RUNDC3B: variants seen among roughly 807,000 people sequenced by gnomAD.
RUNDC3B encodes the protein RUN domain-containing protein 3B.
Under a neutral mutation model 58.4 loss-of-function variants are expected in RUNDC3B, and 33 were observed. The ratio of observed to expected loss-of-function variants is 0.56; its 90% CI spans 0.43 to 0.75. The LOEUF is 0.75. RUNDC3B is among the 30% of genes least tolerant of loss of function. The pLI, the probability that RUNDC3B is intolerant of heterozygous loss-of-function variation, is 0.00. For synonymous variants in RUNDC3B, 193 were observed against 195.2 expected (o/e 0.99, Z 0.10); for missense variants, 501 against 535.7 (o/e 0.94, Z 0.64).
chr7:87,782,006 A>G (rs185935574), intron 8 of RUNDC3B, among the ~76,000 whole-genome samples: 10 of 152,148 alleles, frequency 6.6e-5, no homozygotes, highest in African/African-American at 2.2e-4. Flanking sequence ...AATGTGTTAC[A>G]GAAGAGTCCA....
chr7:87,753,851 C>A (rs1406245885), intron 6 of RUNDC3B, among the ~76,000 whole-genome samples: 1 of 152,094 alleles, frequency 6.6e-6, no homozygotes, highest in African/African-American at 2.4e-5. Flanking sequence ...CCAGAGTGAT[C>A]CTTCTGAAAT....
At chr7:87,788,054 T>C (rs951212007) in intron 8 of RUNDC3B, among the ~76,000 whole-genome samples, 3 of 152,216 alleles carry the variant, frequency 2.0e-5, no homozygotes, top group Non-Finnish European at 4.4e-5. Flanking sequence ...TAATTCTTTT[T>C]GTCAGTCATA....
At chr7:87,782,555 G>A (rs1035830238) in intron 8 of RUNDC3B, among the ~76,000 whole-genome samples, 2 of 151,890 alleles carry the variant, frequency 1.3e-5, no homozygotes, top group East Asian at 1.9e-4. Flanking sequence ...CTCTAGGTGC[G>A]ACGTCAGAGT....
chr7:87,643,339 C>T (rs919463344), intron 1 of RUNDC3B, among the ~76,000 whole-genome samples: 1 of 151,904 alleles, frequency 6.6e-6, no homozygotes, highest in Non-Finnish European at 1.5e-5. Flanking sequence ...TTTTTTGGTT[C>T]CAATAAAAGT....
At chr7:87,696,718 T>C (rs1323898911) in intron 2 of RUNDC3B, among the ~76,000 whole-genome samples, 1 of 152,096 alleles carries the variant, frequency 6.6e-6, no homozygotes, top group African/African-American at 2.4e-5. Flanking sequence ...CACATCTAAT[T>C]TGTAGAGCAG....
intron 4 of RUNDC3B, among the ~76,000 whole-genome samples, chr7:87,715,441 TATA>T (rs1385691703): frequency 3.1e-5 from 4 of 128,254 alleles, no homozygotes; most frequent in Non-Finnish European, 6.3e-5. Flanking sequence ...ATTATATTAA[TATA>T]ATATATAATT....
At chr7:87,806,753 G>T (rs1302352730) in intron 8 of RUNDC3B, among the ~76,000 whole-genome samples, 1 of 152,110 alleles carries the variant, frequency 6.6e-6, no homozygotes, top group Non-Finnish European at 1.5e-5. Flanking sequence ...ACTGCTCAGT[G>T]TAGTTGTCAT....
intron 6 of RUNDC3B, among the ~76,000 whole-genome samples, chr7:87,755,249 C>T (rs920705150): frequency 2.6e-5 from 4 of 152,098 alleles, no homozygotes; most frequent in Non-Finnish European, 4.4e-5. Context: ...TCTCAAACTC[C>T]TGACCTTGTG....
intron 1 of RUNDC3B, among the ~76,000 whole-genome samples, chr7:87,643,643 C>T (rs1167848785): frequency 2.6e-5 from 4 of 151,652 alleles, no homozygotes; most frequent in African/African-American, 9.7e-5. Flanking sequence ...GCCTCAGCCT[C>T]CTGAGTAGCT....
intron 6 of RUNDC3B, among the ~76,000 whole-genome samples, chr7:87,742,475 G>A (rs886962692): frequency 6.6e-5 from 10 of 152,010 alleles, no homozygotes; most frequent in African/African-American, 2.4e-4. Context: ...CCATTCCTGA[G>A]TTACTTCACT....
At chr7:87,773,979 A>G (rs962657181) in intron 7 of RUNDC3B, among the ~76,000 whole-genome samples, 1 of 152,000 alleles carries the variant, frequency 6.6e-6, no homozygotes, top group Non-Finnish European at 1.5e-5. Flanking sequence ...CACCCGGCCA[A>G]TCTTTTTATG....
At chr7:87,814,465 T>C (rs190958402) in intron 9 of RUNDC3B, among the ~76,000 whole-genome samples, 34 of 152,266 alleles carry the variant, frequency 2.2e-4, no homozygotes, top group Middle Eastern at 6.8e-3. Flanking sequence ...GTAGATAGCA[T>C]AGTATTTAAG....
chr7:87,643,963 A>T (rs1462065737), intron 1 of RUNDC3B, among the ~76,000 whole-genome samples: 1 of 152,164 alleles, frequency 6.6e-6, no homozygotes, highest in Non-Finnish European at 1.5e-5. Context: ...GGTTCAAGTG[A>T]TTCGCCTGCC....
rs907269138 is a variant in RUNDC3B at position 87,830,942 on chromosome 7, G to A, written c.*912G>A. 1 of 151,512 alleles carries A rather than the reference G, an allele frequency of 6.6e-6. No individual in the cohort carries two copies. Among genetic ancestry groups the A allele is most frequent in the African/African-American group, 2.4e-5 (1 of 41,306 alleles). The allele number at this position is 151,512 out of a possible 1,614,324, so 9.4% of individuals were successfully genotyped here. A position where few individuals can be genotyped will look rare whatever the true frequency, so the allele number is the denominator to read the frequency against. ...AATATATGTCTGATATTCAGTGCTG[G>A]TTCTTTTTCCTGTTTGTGCAACAAT... On this transcript the variant is annotated 3_prime_UTR_variant, in exon 11 of 11. Transcript: ENST00000394654.
intron 2 of RUNDC3B, among the ~76,000 whole-genome samples, chr7:87,658,763 T>C (rs748990970): frequency 2.6e-4 from 40 of 152,160 alleles, no homozygotes; most frequent in Non-Finnish European, 1.6e-4. Context: ...CACAGCAGAA[T>C]TATTCTTCAG....
intron 6 of RUNDC3B, among the ~76,000 whole-genome samples, chr7:87,753,537 A>G (rs994570233): frequency 6.6e-6 from 1 of 152,140 alleles, no homozygotes; most frequent in African/African-American, 2.4e-5. Context: ...CTCAGGACTT[A>G]CTTTATGAAT....
At chr7:87,730,525 G>C (rs141941510) in intron 4 of RUNDC3B, among the ~76,000 whole-genome samples, 1,552 of 151,350 alleles carry the variant, frequency 0.01, 30 homozygotes, top group African/African-American at 0.036. Flanking sequence ...TACAGTGTGC[G>C]TGCCAGCTCA....
At chr7:87,752,784 T>A (rs959526584) in intron 6 of RUNDC3B, among the ~76,000 whole-genome samples, 2 of 152,104 alleles carry the variant, frequency 1.3e-5, no homozygotes, top group Admixed American at 1.3e-4. Flanking sequence ...TTATTAGTCT[T>A]GCTAGTGGTT....
chr7:87,743,000 A>AG (rs1832429204), intron 6 of RUNDC3B, among the ~76,000 whole-genome samples: 1 of 151,824 alleles, frequency 6.6e-6, no homozygotes, highest in Non-Finnish European at 1.5e-5. Context: ...TGTAGTCCCC[A>AG]CTACTCAGGA....
Sources: gnomAD v4.1 joint callset for allele counts (sites outside exome capture counted in the v4.1 genomes callset) on GRCh38, gnomAD v4.1.1 for gene constraint, MANE v1.5 for transcripts, NCBI Gene and HGNC (gene_info 2026-07-23, HGNC 2026-07-21) for gene names.